The following VWCE variants were observed in gnomAD, a reference collection of about 807,000 sequenced individuals.
VWCE encodes the protein von Willebrand factor C and EGF domain-containing protein.
In VWCE, 68 loss-of-function variants were observed where a neutral mutation model predicts 102.9. That is an observed-to-expected ratio of 0.66 (90% CI 0.54 to 0.81). The LOEUF (loss-of-function observed/expected upper bound fraction) is 0.81. Ranked by LOEUF, VWCE falls within the 30% of genes least tolerant of loss-of-function variation. VWCE has a pLI of 0.00. For missense variants in VWCE, 1,137 were observed against 1,263.6 expected (o/e 0.90, Z 1.52); for synonymous variants, 497 against 515.4 (o/e 0.96, Z 0.48).
Position 61,265,029 on chromosome 11 carries a change from T to G in VWCE, c.2066A>C (p.Tyr689Ser). 6.2e-7 allele frequency: 1 copy of G among 1,613,984 alleles called. No homozygotes were observed. Among genetic ancestry groups the G allele is most frequent in the Non-Finnish European group, 8.5e-7 (1 of 1,179,994 alleles). ...ECCPVCRDCN[Y>S]EGRKVANGQV... ...GCCATTCGCCACCTTCCTTCCCTCGTAGTTGCAGTCTGTGGAGGAAGGGGA... is the reference window on the plus strand; with the variant it reads ...GCCATTCGCCACCTTCCTTCCCTCGGAGTTGCAGTCTGTGGAGGAAGGGGA... Residue 689 changes from tyrosine (Y) to serine (S), a missense_variant, in exon 18 of 20, where the codon TAC becomes TCC. Coordinates refer to ENST00000335613, the MANE Select transcript of VWCE (RefSeq NM_152718.2).
intron 4 of VWCE, among the ~76,000 whole-genome samples, chr11:61,289,558 A>G (rs1399294936): frequency 1.3e-5 from 2 of 152,186 alleles, no homozygotes; most frequent in African/African-American, 4.8e-5. Flanking sequence ...CGAAAAAAAA[A>G]ATTATGTTGC....
chr11:61,282,647 C>G, intron 6 of VWCE, 142 bp downstream of exon 6: 2 of 701,484 alleles, frequency 2.9e-6, no homozygotes, highest in Non-Finnish European at 2.5e-6. Flanking sequence ...GACAGGCAGG[C>G]TCTGAGCCAA....
intron 16 of VWCE, among the ~76,000 whole-genome samples, chr11:61,265,495 C>A (rs1282834196): frequency 6.6e-6 from 1 of 152,128 alleles, no homozygotes; most frequent in African/African-American, 2.4e-5. Context: ...AGCACCAAAA[C>A]CCGATAGAGA....
At position 61,294,838 on chromosome 11, in the gene VWCE, G is replaced by A. The variant is rs1855623332; in HGVS notation, c.110+90C>T. 1.1e-6 allele frequency: 1 copy of A among 897,116 alleles called. No homozygotes were observed. Among genetic ancestry groups the A allele is most frequent in the Non-Finnish European group, 1.5e-6 (1 of 663,058 alleles). 55.6% of individuals were successfully genotyped at this position (897,116 alleles called of 1,614,324 possible). A position where few individuals can be genotyped will look rare whatever the true frequency, so the allele number is the denominator to read the frequency against. On this transcript the variant is annotated intron_variant, in intron 1 of 19. Coordinates refer to ENST00000335613, the MANE Select transcript of VWCE (RefSeq NM_152718.2). This position sits in a 1 kb window ranked among gnomAD's most constrained non-coding sequence, Gnocchi z 6.3. ...AGGAAGCCCCGACACGCGGCTGCCT[G>A]CGGCTCCTGAGCGCCCCTCCGCGCC...
rs575808140 is a variant in VWCE at position 61,273,415 on chromosome 11, G to A, written c.1582-99C>T. On this transcript the variant is annotated intron_variant, in intron 12 of 19. Transcript: ENST00000335613. ...GCAGGCTGCCTGCCATCACCCTCCCGGCTACTCAAGTGAAACTGACAAAGA... is the reference window on the plus strand; with the variant it reads ...GCAGGCTGCCTGCCATCACCCTCCCAGCTACTCAAGTGAAACTGACAAAGA... 38 of 1,118,578 alleles carry A rather than the reference G, an allele frequency of 3.4e-5. No individual in the cohort carries two copies. The Admixed American group carries it at 5.8e-4, about 17-fold the overall frequency. The allele number at this position is 1,118,578 out of a possible 1,614,324, so 69.3% of individuals were successfully genotyped here.
chr11:61,276,759 G>C, intron 10 of VWCE, 79 bp from the exon 11 acceptor site: 2 of 1,168,560 alleles, frequency 1.7e-6, no homozygotes, highest in Non-Finnish European at 2.3e-6. Flanking sequence ...CAGGCCCTTC[G>C]AACAGGAAAG....
chr11:61,281,290 G>A (rs1431156095), intron 7 of VWCE, 55 bp from the exon 8 acceptor site: 7 of 1,600,934 alleles, frequency 4.4e-6, no homozygotes, highest in South Asian at 1.1e-5. Flanking sequence ...AGGAGGCAGG[G>A]TTTAGGGAGA....
In VWCE at chr11:61,259,252, C is replaced by G. The variant is rs147716958; in HGVS notation, c.2291G>C (p.Ser764Thr). 3.1e-6 allele frequency: 5 copies of G among 1,610,484 alleles called. No homozygotes were observed. The highest frequency in any genetic ancestry group is 4.5e-5 in the East Asian group (2 of 44,834). ...TCCATGCAGGCTCCGACCAGCTTTG[C>G]TGAATGCCACATTTCCGTGAGGGGA... ...GLSPHGNVAF[S>T]KAGRSLHGDT... The change falls in exon 20 of 20, where the codon AGC becomes ACC. Residue 764 changes from serine to threonine, a missense_variant. By Grantham distance (58) the Ser-to-Thr change is moderately conservative. Coordinates refer to ENST00000335613, the MANE Select transcript of VWCE (RefSeq NM_152718.2).
intron 8 of VWCE, 29 bp from the exon 9 acceptor site, chr11:61,280,746 C>T: frequency 6.2e-7 from 1 of 1,613,678 alleles, no homozygotes; most frequent in Non-Finnish European, 8.5e-7. Flanking sequence ...GTTAGAGCCA[C>T]CACAAGGCCC....
chr11:61,259,326 G>T lies in VWCE; in HGVS notation c.2231-14C>A. On this transcript the variant is annotated splice_polypyrimidine_tract_variant and intron_variant, in intron 19 of 19. Transcript: ENST00000335613. ...GAGACAGGGAATCTAGAGAGACGAG[G>T]GTGAAACGAGATGCACAATGGCTCT... The T allele has an allele frequency of 6.4e-7, 1 of 1,552,960 alleles. No individual in the cohort carries two copies.
Position 61,269,027 on chromosome 11 carries a change from A to G in VWCE, c.1786-9T>C. ...CTCACCGAGCCATCTGCCTGGAGGA[A>G]GGAGGAACTTCACCAAGACCCCACC... On this transcript the variant is annotated splice_polypyrimidine_tract_variant and intron_variant, in intron 14 of 19. Coordinates refer to ENST00000335613, the MANE Select transcript of VWCE (RefSeq NM_152718.2). 6.2e-7 allele frequency: 1 copy of G among 1,613,818 alleles called. No individual in the cohort carries two copies. The highest frequency in any genetic ancestry group is 8.5e-7 in the Non-Finnish European group (1 of 1,179,872).
intron 16 of VWCE, 68 bp from the exon 17 acceptor site, chr11:61,265,280 C>T (rs555927390): frequency 1.8e-4 from 236 of 1,340,052 alleles, no homozygotes; most frequent in Admixed American, 3.2e-4. Flanking sequence ...AGGAAGATGC[C>T]GCTCCTATAG....
chr11:61,295,132 G>A lies in VWCE; in HGVS notation c.-95C>T. On this transcript the variant is annotated 5_prime_UTR_variant, in exon 1 of 20. Coordinates refer to ENST00000335613, the MANE Select transcript of VWCE (RefSeq NM_152718.2). The surrounding 1 kb of genome is among the most constrained non-coding windows in gnomAD (Gnocchi z 4.6). ...CCCTCGCCCCTCCTCCTGGCGCCGT[G>A]GGGAGCGAACCAGCGATCCCCGAAA... The A allele has an allele frequency of 1.3e-6, 1 of 758,988 alleles. No individual in the cohort carries two copies. Among genetic ancestry groups the A allele is most frequent in the East Asian group, 3.5e-5 (1 of 28,592 alleles). The allele number at this position is 758,988 out of a possible 1,614,324, so 47.0% of individuals were successfully genotyped here. A position where few individuals can be genotyped will look rare whatever the true frequency, so the allele number is the denominator to read the frequency against.
chr11:61,268,802 G>T, intron 15 of VWCE, 120 bp downstream of exon 15: 1 of 957,826 alleles, frequency 1.0e-6, no homozygotes, highest in Non-Finnish European at 1.6e-6. Context: ...CCTTATCTGT[G>T]CAATGGGGTT....
rs1248104166 is a variant in VWCE, at chr11:61,267,485, G to A, written c.1942C>T (p.Pro648Ser). 6.2e-7 allele frequency: 1 copy of A among 1,614,154 alleles called. No individual in the cohort carries two copies. The highest frequency in any genetic ancestry group is 1.7e-5 in the Admixed American group (1 of 60,014). The change falls in exon 16 of 20, where the codon CCA (proline) becomes TCA (serine). Residue 648 changes from proline (P) to serine (S), a missense_variant. Around this residue, in one of 5 missense-constraint regions of VWCE, gnomAD observed 212 missense variants for 235.1 expected, o/e 0.90. Coordinates refer to ENST00000335613, the MANE Select transcript of VWCE (RefSeq NM_152718.2). Reference sequence around the variant, plus strand: ...ACCAGGCAGATGCAGCTCAGACATGGGTCCAGCACAGACGGGAAGGTCTCG... The same window carrying A: ...ACCAGGCAGATGCAGCTCAGACATGAGTCCAGCACAGACGGGAAGGTCTCG... ...NNETFPSVLDPCLSCICLLGS... is the reference protein window; with the variant it reads ...NNETFPSVLDSCLSCICLLGS...
Position 61,286,438 on chromosome 11 carries a change from G to A in VWCE, c.425-8C>T. On this transcript the variant is annotated splice_polypyrimidine_tract_variant and splice_region_variant and intron_variant, in intron 4 of 19. Coordinates refer to ENST00000335613, the MANE Select transcript of VWCE (RefSeq NM_152718.2). ...TTACACATTCGTCAATGTCTGGAAA[G>A]ACAGAAAGCACGTGTTTACACAGTG... is the stretch of plus-strand genomic sequence containing the variant. The A allele has an allele frequency of 6.2e-7, 1 of 1,609,742 alleles. No individual in the cohort carries two copies. Among genetic ancestry groups the A allele is most frequent in the Non-Finnish European group, 8.5e-7 (1 of 1,178,884 alleles).
At chr11:61,278,131 C>T (rs899935518) in intron 10 of VWCE, among the ~76,000 whole-genome samples, 1 of 152,136 alleles carries the variant, frequency 6.6e-6, no homozygotes, top group African/African-American at 2.4e-5. Flanking sequence ...AGTTTCGTCC[C>T]CTCCCCTTCC....
At chr11:61,280,152 C>T (rs925663854) in intron 9 of VWCE, among the ~76,000 whole-genome samples, 34 of 152,068 alleles carry the variant, frequency 2.2e-4, no homozygotes, top group Admixed American at 2.2e-3. Context: ...AATGAAAAAC[C>T]ATCAGCAGAT....
In VWCE at chr11:61,274,547, C is replaced by A. The variant is rs1357259566; in HGVS notation, c.1533G>T (p.Gly511=). Residue 511 remains glycine (G), a synonymous_variant, in exon 12 of 20, where the codon GGG becomes GGT. Coordinates refer to ENST00000335613, the MANE Select transcript of VWCE (RefSeq NM_152718.2). ...CYFHGRWYAD[G]AVFSGGGDEC... is the part of the protein sequence containing the mutation. ...CGTCACCACCCCCACTGAACACAGCCCCGTCTGCGTACCACCGGCCGTGGA... is the reference window on the plus strand; with the variant it reads ...CGTCACCACCCCCACTGAACACAGCACCGTCTGCGTACCACCGGCCGTGGA... 2.5e-6 allele frequency: 4 copies of A among 1,613,696 alleles called. No homozygotes were observed. The highest frequency in any genetic ancestry group is 3.4e-6 in the Non-Finnish European group (4 of 1,179,958).
Sources: allele counts gnomAD v4.1 joint callset (sites outside exome capture counted in the v4.1 genomes callset), GRCh38; gene constraint gnomAD v4.1.1; regional missense constraint gnomAD v4.1.1; non-coding constraint Gnocchi (gnomAD v3.1); transcripts MANE v1.5; gene names NCBI Gene and HGNC (gene_info 2026-07-23, HGNC 2026-07-21).